The following PKHD1 variants were observed in gnomAD, a reference collection of about 807,000 sequenced individuals.
The protein encoded by PKHD1 is PKHD1 ciliary IPT domain containing fibrocystin/polyductin.
A neutral mutation model predicts 412.0 loss-of-function variants in PKHD1; 291 were observed. That is an observed-to-expected ratio of 0.71 (90% CI 0.64 to 0.78). The LOEUF (loss-of-function observed/expected upper bound fraction) is 0.78. PKHD1 is among the 30% of genes least tolerant of loss of function. The pLI, the probability that PKHD1 is intolerant of heterozygous loss-of-function variation, is 0.00. For synonymous variants in PKHD1, 1,777 were observed against 1,821.5 expected (o/e 0.98, Z 0.62); for missense variants, 4,825 against 4,950.7 (o/e 0.97, Z 0.76).
rs371571031 is a variant in PKHD1 at position 51,659,445 on chromosome 6, T to C, written c.10681A>G (p.Ile3561Val). Residue 3561 changes from isoleucine to valine, a missense_variant, in exon 61 of 67, where the codon ATT becomes GTT. By Grantham distance (29) the Ile-to-Val change is conservative. Transcript: ENST00000371117. ...ACCATCACAGTGAGGGCCAAGTGAATGGAAACACCTGAGCGTATTTCAATG... is the reference window on the plus strand; with the variant it reads ...ACCATCACAGTGAGGGCCAAGTGAACGGAAACACCTGAGCGTATTTCAATG... Reference protein sequence around the residue: ...EPIEIRSGVSIHLALTVMVSV... With the variant: ...EPIEIRSGVSVHLALTVMVSV... 3.3e-5 allele frequency: 53 copies of C among 1,613,628 alleles called. No individual in the cohort carries two copies. The highest frequency in any genetic ancestry group is 4.3e-5 in the Non-Finnish European group (51 of 1,179,890).
intron 60 of PKHD1, among the ~76,000 whole-genome samples, chr6:51,711,900 AT>A (rs1255888299): frequency 6.6e-6 from 1 of 152,180 alleles, no homozygotes; most frequent in Non-Finnish European, 1.5e-5. Context: ...ATGGTTAGGT[AT>A]TTTCCTTGCA....
intron 60 of PKHD1, among the ~76,000 whole-genome samples, chr6:51,711,504 C>T (rs375859862): frequency 3.3e-5 from 5 of 152,294 alleles, no homozygotes; most frequent in South Asian, 4.1e-4. Flanking sequence ...CCCCTGTCTC[C>T]GATGGACCTG....
intron 63 of PKHD1, among the ~76,000 whole-genome samples, chr6:51,643,895 T>C (rs1769723882): frequency 6.6e-6 from 1 of 151,892 alleles, no homozygotes; most frequent in Non-Finnish European, 1.5e-5. Context: ...TTGTTCCCTG[T>C]GTCCATGTGT....
At chr6:51,972,889 C>A (rs1793880057) in intron 35 of PKHD1, among the ~76,000 whole-genome samples, 1 of 152,150 alleles carries the variant, frequency 6.6e-6, no homozygotes, top group African/African-American at 2.4e-5. Flanking sequence ...TAACAGCAGT[C>A]CAGGCAAAAG....
chr6:51,743,095 T>C (rs1216408029), intron 60 of PKHD1, among the ~76,000 whole-genome samples: 1 of 152,138 alleles, frequency 6.6e-6, no homozygotes, highest in Non-Finnish European at 1.5e-5. Flanking sequence ...GCTACAAGAC[T>C]TACAGGCTTG....
chr6:51,767,164 T>C (rs1172650003), intron 55 of PKHD1, among the ~76,000 whole-genome samples: 1 of 152,088 alleles, frequency 6.6e-6, no homozygotes, highest in African/African-American at 2.4e-5. Flanking sequence ...TATTTCTTGG[T>C]ATTCTTTTTA....
chr6:52,062,759 C>T, intron 13 of PKHD1, 99 bp from the exon 14 acceptor site: 2 of 1,461,566 alleles, frequency 1.4e-6, no homozygotes, highest in Non-Finnish European at 1.9e-6. Flanking sequence ...GACCCAGATG[C>T]TACCTGTAAA....
intron 64 of PKHD1, among the ~76,000 whole-genome samples, chr6:51,634,421 A>G (rs2784217): frequency 0.043 from 6,512 of 152,318 alleles, 235 homozygotes; most frequent in African/African-American, 0.093. Context: ...TCAATCAGGC[A>G]CAGAGATGGG....
intron 53 of PKHD1, among the ~76,000 whole-genome samples, chr6:51,777,655 C>A (rs574049582): frequency 4.0e-5 from 5 of 125,902 alleles, no homozygotes; most frequent in Admixed American, 1.8e-4. Flanking sequence ...ATTTATTTCA[C>A]GGAGGGTAGT....
At chr6:51,843,151 G>A (rs1169222065) in intron 50 of PKHD1, among the ~76,000 whole-genome samples, 1 of 152,236 alleles carries the variant, frequency 6.6e-6, no homozygotes, top group Non-Finnish European at 1.5e-5. Context: ...ATACAGCCAA[G>A]CCCATAAGAA....
chr6:51,906,547 T>G (rs1782127509), intron 40 of PKHD1, among the ~76,000 whole-genome samples: 1 of 150,360 alleles, frequency 6.7e-6, no homozygotes, highest in Admixed American at 6.6e-5. Flanking sequence ...AATTCAACAA[T>G]CAAGTGTTAG....
intron 37 of PKHD1, among the ~76,000 whole-genome samples, chr6:51,930,060 C>A (rs779474530): frequency 2.0e-5 from 3 of 152,128 alleles, no homozygotes; most frequent in South Asian, 2.1e-4. Context: ...GCCGTAATTA[C>A]GTTGTCAAAA....
chr6:51,941,961 G>A (rs1432413621), intron 36 of PKHD1, among the ~76,000 whole-genome samples: 4 of 151,270 alleles, frequency 2.6e-5, no homozygotes, highest in African/African-American at 7.3e-5. Flanking sequence ...CTCATAAAAC[G>A]TGTTTTCCCT....
chr6:52,066,404 A>G (rs1809710040), intron 11 of PKHD1, among the ~76,000 whole-genome samples: 1 of 152,228 alleles, frequency 6.6e-6, no homozygotes, highest in South Asian at 2.1e-4. Flanking sequence ...GTCAGGGAAC[A>G]GTAAGTTACA....
chr6:51,897,610 G>A (rs1221346485), intron 43 of PKHD1, among the ~76,000 whole-genome samples: 8 of 144,922 alleles, frequency 5.5e-5, no homozygotes, highest in Non-Finnish European at 1.2e-4. Flanking sequence ...ATCAACTAAC[G>A]AGCAAAATCA....
At chr6:51,775,727 A>C in intron 54 of PKHD1, 81 bp downstream of exon 54, 1 of 756,156 alleles carries the variant, frequency 1.3e-6, no homozygotes, top group Admixed American at 1.8e-5. Flanking sequence ...TGTTCTATGA[A>C]TAGTATTTCT....
At chr6:51,794,042 T>C (rs1197299884) in intron 52 of PKHD1, among the ~76,000 whole-genome samples, 1 of 135,454 alleles carries the variant, frequency 7.4e-6, no homozygotes, top group African/African-American at 2.7e-5. Flanking sequence ...TCTGTTGCTT[T>C]TTGACTTTTT....
chr6:51,746,968 T>C (rs1012909360), intron 58 of PKHD1, 79 bp from the exon 59 acceptor site: 4 of 870,434 alleles, frequency 4.6e-6, no homozygotes, highest in Non-Finnish European at 7.2e-6. Flanking sequence ...CAACTAAATA[T>C]TGTTATAATA....
chr6:51,872,764 G>T (rs1314019944), intron 46 of PKHD1, among the ~76,000 whole-genome samples: 1 of 151,674 alleles, frequency 6.6e-6, no homozygotes, highest in Non-Finnish European at 1.5e-5. Flanking sequence ...ATGGAATATT[G>T]CCTTCAAAAT....
Sources: allele counts gnomAD v4.1 joint callset (sites outside exome capture counted in the v4.1 genomes callset), GRCh38; gene constraint gnomAD v4.1.1; transcripts MANE v1.5; gene names NCBI Gene and HGNC (gene_info 2026-07-23, HGNC 2026-07-21).